The following NEGR1 variants were observed in gnomAD, a reference collection of about 807,000 sequenced individuals.
The protein encoded by NEGR1 is IgLON family member 4.
Under a neutral mutation model 40.9 loss-of-function variants are expected in NEGR1, and 10 were observed. That is an observed-to-expected ratio of 0.24 (90% confidence interval 0.15 to 0.42). The LOEUF is 0.42. Among genes scored for constraint, NEGR1 ranks in the 10% least tolerant of loss-of-function variants. NEGR1 has a pLI of 1.00. For missense variants in NEGR1, 352 were observed against 438.9 expected (o/e 0.80, Z 1.77); for synonymous variants, 185 against 166.8 (o/e 1.11, Z -0.84).
chr1:71,545,195 T>A (rs72677123), intron 6 of NEGR1, among the ~76,000 whole-genome samples: 4,638 of 151,786 alleles, frequency 0.031, 103 homozygotes, highest in Middle Eastern at 0.051. Flanking sequence ...CAAGGTCCCA[T>A]GCTGGACCTA....
At chr1:72,146,684 T>A (rs11809208) in intron 1 of NEGR1, among the ~76,000 whole-genome samples, 5,233 of 152,266 alleles carry the variant, frequency 0.034, 320 homozygotes, top group African/African-American at 0.12. Flanking sequence ...TCTTTACATA[T>A]ATGCAAATAT....
intron 1 of NEGR1, among the ~76,000 whole-genome samples, chr1:72,263,676 A>G (rs1213308018): frequency 1.3e-5 from 2 of 151,590 alleles, no homozygotes; most frequent in East Asian, 1.9e-4. Context: ...AAAGTTATCT[A>G]TACTTGAATA....
intron 1 of NEGR1, among the ~76,000 whole-genome samples, chr1:72,130,521 A>G (rs1048119577): frequency 3.9e-5 from 6 of 152,070 alleles, no homozygotes; most frequent in Admixed American, 3.9e-4. Flanking sequence ...AAACTGATGA[A>G]CCTGGCGTTT....
chr1:71,445,682 A>C (rs1279811566), intron 6 of NEGR1, among the ~76,000 whole-genome samples: 1 of 152,204 alleles, frequency 6.6e-6, no homozygotes, highest in African/African-American at 2.4e-5. Flanking sequence ...TAGAAAATGC[A>C]TATGACTTTA....
chr1:71,471,849 C>T (rs1048726934), intron 6 of NEGR1, among the ~76,000 whole-genome samples: 6 of 152,058 alleles, frequency 3.9e-5, no homozygotes, highest in Non-Finnish European at 5.9e-5. Context: ...ATTCCACAGT[C>T]CCTTCTTCAC....
At chr1:71,491,865 G>A (rs946467429) in intron 6 of NEGR1, among the ~76,000 whole-genome samples, 3 of 152,044 alleles carry the variant, frequency 2.0e-5, no homozygotes, top group Non-Finnish European at 4.4e-5. Context: ...TTGAATGTAC[G>A]TGTCCCTCCA....
chr1:72,193,023 G>C (rs910637874), intron 1 of NEGR1, among the ~76,000 whole-genome samples: 1 of 151,678 alleles, frequency 6.6e-6, no homozygotes, highest in Admixed American at 6.6e-5. Context: ...GGACAAAGGA[G>C]AGAAATACTA....
At chr1:71,905,283 G>T (rs1017411393) in intron 2 of NEGR1, among the ~76,000 whole-genome samples, 2 of 151,724 alleles carry the variant, frequency 1.3e-5, no homozygotes, top group Non-Finnish European at 2.9e-5. Flanking sequence ...CAATATTTTT[G>T]ATAAAAAGTT....
intron 2 of NEGR1, among the ~76,000 whole-genome samples, chr1:71,803,727 T>TA (rs560007389): frequency 2.8e-4 from 42 of 152,034 alleles, no homozygotes; most frequent in African/African-American, 8.7e-4. Flanking sequence ...CCTTCCTTGA[T>TA]AAAAAAAAGT....
chr1:71,575,769 C>T (rs1284550816), intron 6 of NEGR1, among the ~76,000 whole-genome samples: 7 of 151,668 alleles, frequency 4.6e-5, no homozygotes, highest in African/African-American at 7.3e-5. Flanking sequence ...GGCGACAGTG[C>T]GAGACTCCGG....
intron 1 of NEGR1, among the ~76,000 whole-genome samples, chr1:72,256,503 C>T (rs1337215466): frequency 6.6e-6 from 1 of 152,152 alleles, no homozygotes; most frequent in Non-Finnish European, 1.5e-5. Context: ...AGAAAATACA[C>T]ATTTGAAATT....
chr1:72,227,587 T>A (rs1185975393), intron 1 of NEGR1, among the ~76,000 whole-genome samples: 1 of 152,102 alleles, frequency 6.6e-6, no homozygotes, highest in Non-Finnish European at 1.5e-5. Context: ...GGAATGTTTA[T>A]ATTTCATTGG....
At chr1:71,657,561 C>T (rs1244157459) in intron 4 of NEGR1, among the ~76,000 whole-genome samples, 12 of 152,010 alleles carry the variant, frequency 7.9e-5, no homozygotes, top group Admixed American at 7.9e-4. Flanking sequence ...ACAAAAAAAT[C>T]ATTCAGGAAA....
intron 1 of NEGR1, chr1:72,275,014 G>A (rs1368677260): frequency 3.9e-6 from 6 of 1,541,734 alleles, no homozygotes; most frequent in Middle Eastern, 3.6e-4. Flanking sequence ...CAAGGAGCCT[G>A]AGAAGGAAAT....
chr1:71,599,584 C>G (rs1332316037), intron 5 of NEGR1, among the ~76,000 whole-genome samples: 3 of 152,100 alleles, frequency 2.0e-5, no homozygotes, highest in Admixed American at 6.5e-5. Flanking sequence ...TCATTTATTC[C>G]TAGGAACAGG....
At chr1:71,551,334 T>C (rs1416624442) in intron 6 of NEGR1, among the ~76,000 whole-genome samples, 1 of 151,624 alleles carries the variant, frequency 6.6e-6, no homozygotes, top group Admixed American at 6.6e-5. Flanking sequence ...TGAGAAATAA[T>C]GGCCTAATGA....
chr1:72,207,973 T>C (rs919773466), intron 1 of NEGR1, among the ~76,000 whole-genome samples: 5 of 151,558 alleles, frequency 3.3e-5, no homozygotes, highest in African/African-American at 4.8e-5. Flanking sequence ...AACAAGGCAA[T>C]CAAAAGAAAG....
chr1:71,912,432 G>A (rs958761048), intron 2 of NEGR1, among the ~76,000 whole-genome samples: 1 of 152,094 alleles, frequency 6.6e-6, no homozygotes, highest in Non-Finnish European at 1.5e-5. Flanking sequence ...TTCAACTGAT[G>A]AGAAACTTTC....
intron 1 of NEGR1, among the ~76,000 whole-genome samples, chr1:72,108,478 G>C (rs1483729346): frequency 1.3e-5 from 2 of 151,298 alleles, no homozygotes; most frequent in Admixed American, 6.6e-5. Context: ...ACTATTTATA[G>C]TTTATAACAT....
Sources: gnomAD v4.1 joint callset for allele counts (sites outside exome capture counted in the v4.1 genomes callset) on GRCh38, gnomAD v4.1.1 for gene constraint, MANE v1.5 for transcripts, NCBI Gene and HGNC (gene_info 2026-07-23, HGNC 2026-07-21) for gene names.